PIEZO1: variants seen among roughly 807,000 people sequenced by gnomAD.
PIEZO1 encodes piezo-type mechanosensitive ion channel component 1.
PIEZO1 carries 296 observed loss-of-function variants against 297.2 expected under a neutral mutation model. The observed-to-expected ratio is 1.00, with a 90% confidence interval of 0.91 to 1.10. The LOEUF (loss-of-function observed/expected upper bound fraction) is 1.10. Among genes scored for constraint, PIEZO1 ranks in the 50% least tolerant of loss-of-function variants. The pLI, the probability that PIEZO1 is intolerant of heterozygous loss-of-function variation, is 0.00. For missense variants in PIEZO1, 5,018 were observed against 3,455.5 expected, an observed-to-expected ratio of 1.45 and a Z score of -11.34; for synonymous variants, 2,427 against 1,507.5, an observed-to-expected ratio of 1.61 and a Z score of -14.13.
In PIEZO1 at chr16:88,733,987, C is replaced by CCTG. The variant is rs144777557; in HGVS notation, c.2245_2247dup (p.Gln749dup). The CCTG allele has an allele frequency of 3.6e-4, 549 of 1,506,148 alleles. 5 individuals carry two copies. In the South Asian group the frequency reaches 5.7e-3, roughly 16 times the overall value. 93.3% of individuals were successfully genotyped at this position (1,506,148 alleles called of 1,614,324 possible). ...GAGTCCTCCTCCTCCTCCTCCTCCT[C>CCTG]CTGCTGCTGCTGCTGATGCTCCTGC... On this transcript the variant is annotated inframe_insertion, in exon 17 of 51. Transcript: ENST00000301015.
At chr16:88,774,857 G>A (rs948855365) in intron 1 of PIEZO1, among the ~76,000 whole-genome samples, 2 of 152,214 alleles carry the variant, frequency 1.3e-5, no homozygotes, top group African/African-American at 4.8e-5. Context: ...CCTCCTGGGC[G>A]CTGAAACCAC....
Position 88,741,580 on chromosome 16 carries a change from C to T in PIEZO1, c.363G>A (p.Leu121=). 1 of 1,535,662 alleles carries T rather than the reference C, an allele frequency of 6.5e-7. No homozygotes were observed. The highest frequency in any genetic ancestry group is 8.7e-7 in the Non-Finnish European group (1 of 1,146,786). The change falls in exon 5 of 51, where the codon CTG becomes CTA. Residue 121 remains leucine, a synonymous_variant. Transcript: ENST00000301015. The part of the protein sequence containing the change: ...DLKDIPNAIR[L]VAPDLGILVV... ...CCAAGATGCCCAGGTCAGGGGCCAC[C>T]AGCCGGATGGCGTTGGGGATGTCCT... is the stretch of plus-strand genomic sequence containing the variant.
chr16:88,734,843 T>C (rs1449388098), intron 14 of PIEZO1, 32 bp downstream of exon 14: 12 of 1,550,068 alleles, frequency 7.7e-6, no homozygotes, highest in Non-Finnish European at 1.0e-5. Context: ...GGAGGGTCCG[T>C]GCCCCAGCCC....
intron 12 of PIEZO1, among the ~76,000 whole-genome samples, chr16:88,735,734 G>A (rs1236540578): frequency 6.6e-6 from 1 of 152,272 alleles, no homozygotes; most frequent in Non-Finnish European, 1.5e-5. Context: ...TGAACACATG[G>A]CCTGCACAGC....
intron 44 of PIEZO1, 62 bp downstream of exon 44, chr16:88,719,512 C>G (rs1276326456): frequency 2.0e-6 from 3 of 1,470,640 alleles, no homozygotes; most frequent in South Asian, 1.2e-5. Context: ...AGCAGTGCCT[C>G]TGTCTTAGGG....
chr16:88,746,709 G>A (rs937361452), intron 2 of PIEZO1, among the ~76,000 whole-genome samples: 1 of 152,238 alleles, frequency 6.6e-6, no homozygotes, highest in Non-Finnish European at 1.5e-5. Context: ...CTCTGACGAG[G>A]CTCAGGCAGG....
At chr16:88,754,139 C>G (rs908156224) in intron 1 of PIEZO1, among the ~76,000 whole-genome samples, 2 of 152,196 alleles carry the variant, frequency 1.3e-5, no homozygotes, top group African/African-American at 4.8e-5. Context: ...CCACATCCAG[C>G]TCCTTGGGAA....
rs1312603116 is a variant in PIEZO1 at position 88,721,940 on chromosome 16, G to C, written c.5082C>G (p.Ile1694Met). ...AAHSELLCYF[I>M]IILNHMVTAS... is the part of the protein sequence containing the mutation. ...CCGTGACCATGTGGTTGAGGATGAT[G>C]ATGAAGTAGCAGAGCAGCTCCGAGT... The change falls in exon 37 of 51, where the codon ATC (isoleucine) becomes ATG (methionine). Residue 1694 changes from isoleucine to methionine, a missense_variant. By Grantham distance (10) the Ile-to-Met change is conservative. Coordinates refer to ENST00000301015, the MANE Select transcript of PIEZO1 (RefSeq NM_001142864.4). 1 of 1,550,068 alleles carries C rather than the reference G, an allele frequency of 6.5e-7. No individual in the cohort carries two copies. Among genetic ancestry groups the C allele is most frequent in the Admixed American group, 2.0e-5 (1 of 50,994 alleles).
intron 1 of PIEZO1, among the ~76,000 whole-genome samples, chr16:88,750,577 C>T (rs976512609): frequency 2.8e-4 from 43 of 152,346 alleles, no homozygotes; most frequent in African/African-American, 1.0e-3. Flanking sequence ...TCAGTCCCAA[C>T]CACACAGCTC....
intron 2 of PIEZO1, among the ~76,000 whole-genome samples, chr16:88,748,991 A>C (rs1016207850): frequency 6.8e-6 from 1 of 146,228 alleles, no homozygotes; most frequent in African/African-American, 2.5e-5. Context: ...TAATCCCAGC[A>C]CTTTGGGAGG....
chr16:88,751,590 C>G (rs1250630430), intron 1 of PIEZO1, among the ~76,000 whole-genome samples: 1 of 152,186 alleles, frequency 6.6e-6, no homozygotes, highest in Non-Finnish European at 1.5e-5. Context: ...TTAAGATCCC[C>G]TCTTCCTCCC....
At chr16:88,755,302 G>C (rs1906598710) in intron 1 of PIEZO1, among the ~76,000 whole-genome samples, 1 of 152,194 alleles carries the variant, frequency 6.6e-6, no homozygotes, top group Non-Finnish European at 1.5e-5. Context: ...CCGGGTCTCG[G>C]AATGCCTCCA....
chr16:88,732,400 C>T lies in PIEZO1; in HGVS notation c.2926G>A (p.Asp976Asn). 6.5e-7 allele frequency: 1 copy of T among 1,549,826 alleles called. No homozygotes were observed. The highest frequency in any genetic ancestry group is 1.2e-5 in the South Asian group (1 of 84,048). The change falls in exon 21 of 51, where the codon GAC becomes AAC. Residue 976 changes from aspartate to asparagine, a missense_variant. Physicochemically the swap from Asp to Asn is conservative, Grantham distance 23 (BLOSUM62 1). Coordinates refer to ENST00000301015, the MANE Select transcript of PIEZO1 (RefSeq NM_001142864.4). ...VFASGTRQQL[D>N]QDLLGCLKYF... is the part of the protein sequence containing the mutation. Reference sequence around the variant, plus strand: ...TTGAGGCAGCCGAGCAGATCCTGGTCCAGCTGCTGGCGGGTGCCGCTGGCA... The same window carrying T: ...TTGAGGCAGCCGAGCAGATCCTGGTTCAGCTGCTGGCGGGTGCCGCTGGCA...
intron 1 of PIEZO1, among the ~76,000 whole-genome samples, chr16:88,779,424 G>A (rs1342219893): frequency 2.0e-5 from 3 of 152,116 alleles, no homozygotes; most frequent in Admixed American, 6.5e-5. Context: ...GCTCAGCATC[G>A]CGCTTTGTGA....
chr16:88,717,395 ATGT>A, intron 44 of PIEZO1, 184 bp from the exon 45 acceptor site: 1 of 653,622 alleles, frequency 1.5e-6, no homozygotes, highest in Admixed American at 2.2e-5. Flanking sequence ...TGGAACCCTC[ATGT>A]TCAGGGGTCG....
At chr16:88,772,163 G>A (rs888781838) in intron 1 of PIEZO1, among the ~76,000 whole-genome samples, 1 of 152,172 alleles carries the variant, frequency 6.6e-6, no homozygotes, top group Non-Finnish European at 1.5e-5. Context: ...TGAGACTCTG[G>A]GCATGGCTGT....
chr16:88,781,618 C>A (rs1380892541), intron 1 of PIEZO1, among the ~76,000 whole-genome samples: 1 of 152,242 alleles, frequency 6.6e-6, no homozygotes, highest in Middle Eastern at 3.2e-3. Flanking sequence ...CCTACTCTGC[C>A]ACGGCCATGC....
Position 88,734,522 on chromosome 16 carries a change from G to A in PIEZO1, c.2014C>T (p.Leu672=), listed in dbSNP as rs1245285553. 1.9e-6 allele frequency: 3 copies of A among 1,544,252 alleles called. No individual in the cohort carries two copies. The highest frequency in any genetic ancestry group is 2.4e-5 in the East Asian group (1 of 40,836). ...FTDEQLGDLG[L]EQFSVSELFS... ...AGCTCGGACACGCTGAACTGCTCCA[G>A]GCCCAGGTCCCCCAGCCTGTGGAGG... Residue 672 remains leucine (L), a synonymous_variant, in exon 16 of 51, where the codon CTG becomes TTG. Transcript: ENST00000301015.
intron 39 of PIEZO1, 117 bp from the exon 40 acceptor site, chr16:88,720,865 C>G: frequency 5.0e-6 from 6 of 1,202,388 alleles, no homozygotes; most frequent in South Asian, 4.9e-5. Context: ...AGACGGAGCA[C>G]AGGAAAGCTC....
Sources: gnomAD v4.1 joint callset for allele counts (sites outside exome capture counted in the v4.1 genomes callset) on GRCh38, gnomAD v4.1.1 for gene constraint, MANE v1.5 for transcripts, NCBI Gene and HGNC (gene_info 2026-07-23, HGNC 2026-07-21) for gene names.